Variants in NFIB observed in about 807,000 individuals in gnomAD.
NFIB encodes the protein nuclear factor I B.
NFIB carries 11 observed loss-of-function variants against 61.5 expected under a neutral mutation model. That is an observed-to-expected ratio of 0.18 (90% CI 0.11 to 0.30). The LOEUF (loss-of-function observed/expected upper bound fraction) is 0.30, where lower values mean the gene tolerates loss of function less well. NFIB is among the 10% of genes least tolerant of loss of function. The pLI, the probability that NFIB is intolerant of heterozygous loss-of-function variation, is 1.00. For synonymous variants in NFIB, 260 were observed against 216.5 expected (o/e 1.20, Z -1.76); for missense variants, 471 against 608.9 (o/e 0.77, Z 2.38).
intron 9 of NFIB, among the ~76,000 whole-genome samples, chr9:14,115,936 T>C (rs1174306585): frequency 1.3e-5 from 2 of 152,220 alleles, no homozygotes; most frequent in African/African-American, 2.4e-5. Context: ...GCATGACTTA[T>C]TATTTTTGTT....
chr9:14,428,783 C>G, the NFIB span, among the ~76,000 whole-genome samples: 1 of 152,196 alleles, frequency 6.6e-6, no homozygotes, highest in African/African-American at 2.4e-5. Context: ...CAGGTGGAGT[C>G]TGGTCCTCTG....
the NFIB span, among the ~76,000 whole-genome samples, chr9:14,441,708 A>C: frequency 1.3e-5 from 2 of 152,178 alleles, 1 homozygote; most frequent in Middle Eastern, 6.8e-3. Flanking sequence ...GGCCTCCTCC[A>C]GTGGTGAGTG....
the NFIB span, among the ~76,000 whole-genome samples, chr9:14,456,233 G>A: frequency 1.3e-5 from 2 of 150,530 alleles, no homozygotes; most frequent in Non-Finnish European, 3.0e-5. Flanking sequence ...ATCATTTAAG[G>A]CATGAAAGTG....
chr9:14,243,233 C>A (rs1196370882), intron 2 of NFIB, among the ~76,000 whole-genome samples: 4 of 152,002 alleles, frequency 2.6e-5, no homozygotes, highest in African/African-American at 9.7e-5. Flanking sequence ...CCAGAGGTTT[C>A]TTTATTGTTT....
intron 3 of NFIB, 30 bp downstream of exon 3, chr9:14,179,697 G>A (rs759505623): frequency 3.7e-6 from 6 of 1,611,912 alleles, no homozygotes; most frequent in South Asian, 1.1e-5. Context: ...AACAATGTCA[G>A]ATTGCAAATG....
chr9:14,233,387 C>A (rs2053405406), intron 2 of NFIB, among the ~76,000 whole-genome samples: 1 of 148,538 alleles, frequency 6.7e-6, no homozygotes, highest in South Asian at 2.1e-4. Flanking sequence ...TTGGTGAAGT[C>A]TGACACCCAG....
At chr9:14,197,837 G>C (rs745972122) in intron 2 of NFIB, among the ~76,000 whole-genome samples, 3 of 152,114 alleles carry the variant, frequency 2.0e-5, no homozygotes, top group Admixed American at 6.6e-5. Context: ...CTCACTCTAC[G>C]AATGCTACAA....
chr9:14,131,556 A>C (rs566539925), intron 6 of NFIB, among the ~76,000 whole-genome samples: 3 of 152,316 alleles, frequency 2.0e-5, no homozygotes, highest in Non-Finnish European at 4.4e-5. Flanking sequence ...GGCAGCTTGC[A>C]CAAATTGCGC....
intron 1 of NFIB, among the ~76,000 whole-genome samples, chr9:14,378,541 G>C (rs955059733): frequency 5.9e-5 from 9 of 152,192 alleles, no homozygotes; most frequent in Admixed American, 3.3e-4. Flanking sequence ...ATTTTTAGTA[G>C]AGACGGGGTT....
At chr9:14,343,049 C>G (rs578089727) in intron 1 of NFIB, among the ~76,000 whole-genome samples, 5 of 150,198 alleles carry the variant, frequency 3.3e-5, no homozygotes, top group African/African-American at 1.2e-4. Flanking sequence ...TGAGCATGGC[C>G]GGGGGGGTAG....
At chr9:14,404,919 G>C in the NFIB span, among the ~76,000 whole-genome samples, 1 of 152,162 alleles carries the variant, frequency 6.6e-6, no homozygotes, top group Non-Finnish European at 1.5e-5. Context: ...TCTGTTGTTT[G>C]GCATGATTTT....
At chr9:14,230,334 CT>C (rs1001575360) in intron 2 of NFIB, among the ~76,000 whole-genome samples, 4 of 152,140 alleles carry the variant, frequency 2.6e-5, no homozygotes, top group African/African-American at 9.7e-5. Flanking sequence ...CTTGTCCAAG[CT>C]ATATGACTAT....
At chr9:14,391,444 G>GGAAA (rs1275373954) in intron 1 of NFIB, among the ~76,000 whole-genome samples, 1 of 106,098 alleles carries the variant, frequency 9.4e-6, no homozygotes, top group East Asian at 2.5e-4. Flanking sequence ...CTGGTACCAG[G>GGAAA]GAAAGGCAGT....
the NFIB span, among the ~76,000 whole-genome samples, chr9:14,422,689 C>T: frequency 2.6e-5 from 4 of 152,226 alleles, no homozygotes; most frequent in African/African-American, 9.6e-5. Context: ...GGGTCCACAT[C>T]TTGGACTAAT....
At chr9:14,483,055 A>G in the NFIB span, among the ~76,000 whole-genome samples, 1 of 152,172 alleles carries the variant, frequency 6.6e-6, no homozygotes, top group Non-Finnish European at 1.5e-5. Context: ...TTATTTACTC[A>G]AGGAAAAGAC....
intron 1 of NFIB, among the ~76,000 whole-genome samples, chr9:14,344,468 T>C (rs1451931305): frequency 6.6e-6 from 1 of 152,178 alleles, no homozygotes; most frequent in Non-Finnish European, 1.5e-5. Context: ...TTGTCTCTTT[T>C]GTTCCAAGCA....
chr9:14,263,124 T>A (rs1588005853), intron 2 of NFIB, among the ~76,000 whole-genome samples: 1 of 152,284 alleles, frequency 6.6e-6, no homozygotes, highest in East Asian at 1.9e-4. Flanking sequence ...AAAGGGCTGA[T>A]AGGGTGGGTT....
chr9:14,088,366 GA>G (rs1373015073), intron 10 of NFIB, 40 bp from the exon 11 acceptor site: 2 of 1,475,816 alleles, frequency 1.4e-6, no homozygotes, highest in East Asian at 2.4e-5. Flanking sequence ...GAAGAAAAAA[GA>G]AAAAAATACA....
intron 1 of NFIB, among the ~76,000 whole-genome samples, chr9:14,310,943 A>G (rs1186653349): frequency 1.3e-5 from 2 of 152,184 alleles, no homozygotes; most frequent in Non-Finnish European, 2.9e-5. Flanking sequence ...ATTGCTATAT[A>G]ACAACAAATC....
Sources: allele counts gnomAD v4.1 joint callset (sites outside exome capture counted in the v4.1 genomes callset), GRCh38; gene constraint gnomAD v4.1.1; transcripts MANE v1.5; gene names NCBI Gene and HGNC (gene_info 2026-07-23, HGNC 2026-07-21).